YJU2: variants seen among roughly 807,000 people sequenced by gnomAD.
The protein encoded by YJU2 is YJU2 splicing factor homolog, also known as splicing factor YJU2.
YJU2 carries 28 observed loss-of-function variants against 39.6 expected under a neutral mutation model. That is an observed-to-expected ratio of 0.71 (90% confidence interval 0.52 to 0.97). YJU2 has a LOEUF of 0.97. YJU2 is among the 50% of genes least tolerant of loss of function. The pLI is 0.00. For synonymous variants in YJU2, 184 were observed against 182.4 expected, an observed-to-expected ratio of 1.01 and a Z score of -0.07; for missense variants, 328 against 430.4, an observed-to-expected ratio of 0.76 and a Z score of 2.11.
At chr19:4,251,841 G>C (rs1156473201) in intron 3 of YJU2, among the ~76,000 whole-genome samples, 1 of 151,608 alleles carries the variant, frequency 6.6e-6, no homozygotes, top group East Asian at 2.0e-4. Flanking sequence ...ACAAAAGTGA[G>C]CCAGGCGTGG....
At chr19:4,261,874 T>A in intron 5 of YJU2, 120 bp from the exon 6 acceptor site, 94 of 751,352 alleles carry the variant, frequency 1.3e-4, no homozygotes, top group East Asian at 6.2e-4. Flanking sequence ...CTCCCACCCC[T>A]GCTCACTGAG....
At chr19:4,261,439 C>G (rs1477052655) in intron 5 of YJU2, among the ~76,000 whole-genome samples, 1 of 151,192 alleles carries the variant, frequency 6.6e-6, no homozygotes, top group Non-Finnish European at 1.5e-5. Flanking sequence ...TGCAGTGAGC[C>G]AAGATCACGC....
Position 4,249,340 on chromosome 19 carries a change from C to G in YJU2, c.125+12C>G, listed in dbSNP as rs34737333. 1 of 1,567,824 alleles carries G rather than the reference C, an allele frequency of 6.4e-7. No homozygotes were observed. Among genetic ancestry groups the G allele is most frequent in the East Asian group, 2.2e-5 (1 of 44,660 alleles). On this transcript the variant is annotated intron_variant, in intron 2 of 7. Transcript: ENST00000262962. ...CCCTTCAACATGAGGTGAGCACCCC[C>G]TGCGTGACCCCACACACCAGTCATG...
At chr19:4,252,752 C>A (rs986786499) in intron 3 of YJU2, among the ~76,000 whole-genome samples, 5 of 151,778 alleles carry the variant, frequency 3.3e-5, no homozygotes, top group African/African-American at 1.2e-4. Flanking sequence ...TAGTGAGATC[C>A]CGTCAGTACA....
chr19:4,261,699 C>A lies in YJU2; in HGVS notation c.588-295C>A, dbSNP rs954903727. Among the ~76,000 whole-genome samples the A allele has an allele frequency of 7.2e-5, 11 of 152,010 alleles. No homozygotes were observed. The East Asian group carries it at 2.1e-3, about 29-fold the overall frequency. ...AATAAAATTTAATAAGGCATAGGAACACGCCTGTGGACCCAGCTACTCAGG... is the reference window on the plus strand; with the variant it reads ...AATAAAATTTAATAAGGCATAGGAAAACGCCTGTGGACCCAGCTACTCAGG... On this transcript the variant is annotated intron_variant, in intron 5 of 7. Transcript: ENST00000262962.
chr19:4,249,086 C>G, intron 1 of YJU2, 142 bp from the exon 2 acceptor site: 2 of 612,498 alleles, frequency 3.3e-6, no homozygotes, highest in Non-Finnish European at 5.9e-6. Context: ...TGTACTGAGT[C>G]CTGCGAGTCC....
In YJU2 at chr19:4,254,449, A is replaced by G; in HGVS notation, c.365A>G (p.Gln122Arg). 6.2e-7 allele frequency: 1 copy of G among 1,612,618 alleles called. No individual in the cohort carries two copies. Among genetic ancestry groups the G allele is most frequent in the South Asian group, 1.1e-5 (1 of 90,794 alleles). Reference sequence around the variant, plus strand: ...CTGGAGGAGGAGGAGAAGAGGGTGCAGAAGGAGCGGGAGGACGAGGAGCTG... The same window carrying G: ...CTGGAGGAGGAGGAGAAGAGGGTGCGGAAGGAGCGGGAGGACGAGGAGCTG... ...KLLEEEEKRV[Q>R]KEREDEELNN... The change falls in exon 4 of 8, where the codon CAG becomes CGG. Residue 122 changes from glutamine (Q) to arginine (R), a missense_variant. Coordinates refer to ENST00000262962, the MANE Select transcript of YJU2 (RefSeq NM_018074.6).
chr19:4,251,817 T>C (rs1437713297), intron 3 of YJU2, among the ~76,000 whole-genome samples: 2 of 149,166 alleles, frequency 1.3e-5, no homozygotes, highest in African/African-American at 2.5e-5. Context: ...TGAAACCCCG[T>C]CTCTACTAAA....
intron 4 of YJU2, among the ~76,000 whole-genome samples, chr19:4,256,609 T>C (rs992742844): frequency 3.3e-5 from 5 of 152,214 alleles, no homozygotes; most frequent in African/African-American, 9.6e-5. Context: ...CCCACAGTTT[T>C]TGAGAGTCAG....
chr19:4,268,938 C>T lies in YJU2; in HGVS notation c.*242C>T, dbSNP rs1177494169. The T allele has an allele frequency of 1.7e-5, 9 of 544,088 alleles. No homozygotes were observed. The East Asian group carries it at 2.5e-4, about 15-fold the overall frequency. 33.7% of individuals were successfully genotyped at this position (544,088 alleles called of 1,614,324 possible). A position where few individuals can be genotyped will look rare whatever the true frequency, so the allele number is the denominator to read the frequency against. ...CTGCTGCTCCTGCCCCCACCTGTCACTGTGCTTAGGGCTGCAACATCCCTG... is the reference window on the plus strand; with the variant it reads ...CTGCTGCTCCTGCCCCCACCTGTCATTGTGCTTAGGGCTGCAACATCCCTG... On this transcript the variant is annotated 3_prime_UTR_variant, in exon 8 of 8. Coordinates refer to ENST00000262962, the MANE Select transcript of YJU2 (RefSeq NM_018074.6).
intron 5 of YJU2, among the ~76,000 whole-genome samples, chr19:4,259,404 G>C (rs1298172283): frequency 6.6e-6 from 1 of 151,932 alleles, no homozygotes; most frequent in Non-Finnish European, 1.5e-5. Flanking sequence ...CTTTGAGACG[G>C]GGTTTTGCTC....
chr19:4,257,846 G>A (rs1024576304), intron 4 of YJU2, among the ~76,000 whole-genome samples: 5 of 152,178 alleles, frequency 3.3e-5, no homozygotes, highest in Admixed American at 3.3e-4. Context: ...CAGGTGATCC[G>A]CCCGCTCCGG....
At chr19:4,256,349 A>G (rs188153196) in intron 4 of YJU2, among the ~76,000 whole-genome samples, 1 of 151,660 alleles carries the variant, frequency 6.6e-6, no homozygotes, top group Non-Finnish European at 1.5e-5. Flanking sequence ...CCCCTGCCAA[A>G]TGTGAGTTTT....
At chr19:4,255,988 C>T (rs1457201757) in intron 4 of YJU2, among the ~76,000 whole-genome samples, 1 of 151,620 alleles carries the variant, frequency 6.6e-6, no homozygotes, top group Admixed American at 6.6e-5. Flanking sequence ...GCCTGGGCAA[C>T]AAGAGTAAAA....
At chr19:4,268,162 C>G (rs1249841579) in intron 7 of YJU2, among the ~76,000 whole-genome samples, 2 of 152,004 alleles carry the variant, frequency 1.3e-5, no homozygotes, top group Non-Finnish European at 2.9e-5. Flanking sequence ...TCAGGCTGGT[C>G]TGGAACTCCC....
intron 5 of YJU2, among the ~76,000 whole-genome samples, chr19:4,258,792 G>A (rs1046301118): frequency 1.3e-5 from 2 of 152,168 alleles, no homozygotes; most frequent in South Asian, 2.1e-4. Context: ...CGAGAAAGGC[G>A]CCATCACTAG....
Position 4,258,421 on chromosome 19 carries a change from C to G in YJU2, c.585C>G (p.Thr195=), listed in dbSNP as rs527648441. Residue 195 remains threonine, a splice_region_variant and synonymous_variant, in exon 5 of 8, where the codon ACC becomes ACG. Coordinates refer to ENST00000262962, the MANE Select transcript of YJU2 (RefSeq NM_018074.6). ...RQQQEEDEQE[T]AALLEEARKR... Reference sequence around the variant, plus strand: ...AGCAGGAGGAGGACGAGCAGGAGACCGCGTGAGTCAGGGCCGGCCCAACCC... The same window carrying G: ...AGCAGGAGGAGGACGAGCAGGAGACGGCGTGAGTCAGGGCCGGCCCAACCC... The G allele has an allele frequency of 1.3e-6, 2 of 1,583,218 alleles. No individual in the cohort carries two copies. Among genetic ancestry groups the G allele is most frequent in the East Asian group, 4.6e-5 (2 of 43,942 alleles).
chr19:4,258,388 G>C lies in YJU2; in HGVS notation c.552G>C (p.Arg184=). The C allele has an allele frequency of 6.3e-7, 1 of 1,597,604 alleles. No individual in the cohort carries two copies. The highest frequency in any genetic ancestry group is 8.5e-7 in the Non-Finnish European group (1 of 1,174,172). The stretch of plus-strand genomic sequence containing the variant: ...ACCGCCTGTCGGAGGAGGAGCGGCG[G>C]AGGCAGCAGCAGGAGGAGGACGAGC... ...RQHRLSEEER[R]RQQQEEDEQE... The change falls in exon 5 of 8, where the codon CGG becomes CGC. Residue 184 remains arginine, a synonymous_variant. Coordinates refer to ENST00000262962, the MANE Select transcript of YJU2 (RefSeq NM_018074.6).
intron 5 of YJU2, among the ~76,000 whole-genome samples, chr19:4,259,589 A>G (rs969058731): frequency 6.6e-6 from 1 of 152,030 alleles, no homozygotes; most frequent in African/African-American, 2.4e-5. Context: ...TATGTTGGAC[A>G]GGCTGGTTTT....
Sources: gnomAD v4.1 joint callset for allele counts (sites outside exome capture counted in the v4.1 genomes callset) on GRCh38, gnomAD v4.1.1 for gene constraint, MANE v1.5 for transcripts, NCBI Gene and HGNC (gene_info 2026-07-23, HGNC 2026-07-21) for gene names.